ADAM28: variants seen among roughly 807,000 people sequenced by gnomAD.
ADAM28 encodes the protein disintegrin and metalloproteinase domain-containing protein 28.
A neutral mutation model predicts 101.2 loss-of-function variants in ADAM28; 105 were observed. The ratio of observed to expected loss-of-function variants is 1.04; its 90% CI spans 0.89 to 1.22. The LOEUF (loss-of-function observed/expected upper bound fraction) is 1.22, where lower values mean the gene tolerates loss of function less well. Ranked by LOEUF, ADAM28 falls within the 50% of genes most tolerant of loss-of-function variation. ADAM28 has a pLI of 0.00. For missense variants in ADAM28, 1,028 were observed against 945.4 expected, an observed-to-expected ratio of 1.09 and a Z score of -1.15; for synonymous variants, 322 against 310.6, an observed-to-expected ratio of 1.04 and a Z score of -0.39.
At chr8:24,304,632 G>A (rs1809295965) in intron 2 of ADAM28, among the ~76,000 whole-genome samples, 1 of 152,076 alleles carries the variant, frequency 6.6e-6, no homozygotes, top group Non-Finnish European at 1.5e-5. Flanking sequence ...TTGGGAGATT[G>A]AGGCGGGTGG....
intron 2 of ADAM28, among the ~76,000 whole-genome samples, chr8:24,303,987 GT>G (rs1160744174): frequency 2.0e-5 from 3 of 151,450 alleles, no homozygotes; most frequent in Admixed American, 6.6e-5. Context: ...CTCTTTATGT[GT>G]TTTTTTCTCA....
chr8:24,297,992 G>T (rs1213061275), intron 1 of ADAM28, among the ~76,000 whole-genome samples: 1 of 152,108 alleles, frequency 6.6e-6, no homozygotes, highest in African/African-American at 2.4e-5. Flanking sequence ...CCGTGATGTT[G>T]TTCTTGAAGT....
At chr8:24,315,194 A>T (rs1811003711) in intron 6 of ADAM28, among the ~76,000 whole-genome samples, 1 of 151,956 alleles carries the variant, frequency 6.6e-6, no homozygotes, top group Admixed American at 6.6e-5. Flanking sequence ...GACATTTTTA[A>T]GCTTTAAAGA....
At chr8:24,312,139 CT>C (rs1810545339) in intron 5 of ADAM28, among the ~76,000 whole-genome samples, 1 of 152,108 alleles carries the variant, frequency 6.6e-6, no homozygotes, top group Non-Finnish European at 1.5e-5. Context: ...ATGCATCTGT[CT>C]ATATATAGTA....
At chr8:24,302,886 A>T (rs1165731744) in intron 2 of ADAM28, among the ~76,000 whole-genome samples, 5 of 150,690 alleles carry the variant, frequency 3.3e-5, no homozygotes, top group Non-Finnish European at 4.4e-5. Context: ...CATCATTTAC[A>T]TTAGGTATAT....
rs149927944 is a variant in ADAM28 at position 24,329,993 on chromosome 8, C to T, written c.981C>T (p.Ser327=). The part of the protein sequence containing the change: ...PYSVGVVQDH[S]DNLLRVAGTM... The stretch of plus-strand genomic sequence containing the variant: ...TTCTTTCATACCTTTAGGACCACAG[C>T]GATAATCTTCTTAGAGTTGCAGGGA... The change falls in exon 11 of 23, where the codon AGC becomes AGT. Residue 327 remains serine, a synonymous_variant. Coordinates refer to ENST00000265769, the MANE Select transcript of ADAM28 (RefSeq NM_014265.6). The T allele has an allele frequency of 8.3e-5, 133 of 1,611,860 alleles. No homozygotes were observed. In the African/African-American group the frequency reaches 1.0e-3, roughly 12 times the overall value.
chr8:24,294,199 C>G lies in ADAM28; in HGVS notation c.46+4C>G, dbSNP rs766882261. On this transcript the variant is annotated splice_donor_region_variant and intron_variant, in intron 1 of 22. Transcript: ENST00000265769. ...AGTCTCCTCCTCTCTGTTGCAGGTA[C>G]ATATTTAGCTCTTTTTCAGGTTCTA... The G allele has an allele frequency of 6.2e-7, 1 of 1,614,056 alleles. No individual in the cohort carries two copies. The highest frequency in any genetic ancestry group is 8.5e-7 in the Non-Finnish European group (1 of 1,179,924).
At chr8:24,309,805 T>A in intron 2 of ADAM28, 89 bp from the exon 3 acceptor site, 1 of 970,828 alleles carries the variant, frequency 1.0e-6, no homozygotes, top group Non-Finnish European at 1.6e-6. Flanking sequence ...AAAAAATAGA[T>A]ATTGCTTGCT....
rs191161782 is a variant in ADAM28, at chr8:24,351,841, A to C, written c.2179-146A>C. 128 of 672,744 alleles carry C rather than the reference A, an allele frequency of 1.9e-4. 1 individual carries two copies. In the East Asian group the frequency reaches 3.2e-3, roughly 17 times the overall value. The allele number at this position is 672,744 out of a possible 1,614,324, so 41.7% of individuals were successfully genotyped here. A position where few individuals can be genotyped will look rare whatever the true frequency, so the allele number is the denominator to read the frequency against. ...AAATACTTCTATGGAATACGCCAGC[A>C]GGACCACTGTGATTTTCTATCTGGT... On this transcript the variant is annotated intron_variant, in intron 20 of 22. Coordinates refer to ENST00000265769, the MANE Select transcript of ADAM28 (RefSeq NM_014265.6).
At chr8:24,294,549 A>G (rs1807704341) in intron 1 of ADAM28, among the ~76,000 whole-genome samples, 1 of 152,066 alleles carries the variant, frequency 6.6e-6, no homozygotes, top group Non-Finnish European at 1.5e-5. Flanking sequence ...AGAATGGTAA[A>G]GATGTGGCAG....
chr8:24,352,105 T>C, intron 21 of ADAM28, 53 bp downstream of exon 21: 1 of 1,487,174 alleles, frequency 6.7e-7, no homozygotes, highest in Non-Finnish European at 9.4e-7. Context: ...CCAGGAAATA[T>C]CGGTGAAAGT....
chr8:24,304,681 G>A (rs559909222), intron 2 of ADAM28, among the ~76,000 whole-genome samples: 2 of 152,116 alleles, frequency 1.3e-5, no homozygotes, highest in Admixed American at 6.6e-5. Flanking sequence ...ACCTGGCCAA[G>A]GTTGTGAAAC....
chr8:24,297,166 T>G (rs1391647473), intron 1 of ADAM28, among the ~76,000 whole-genome samples: 5 of 151,638 alleles, frequency 3.3e-5, no homozygotes, highest in East Asian at 1.9e-4. Context: ...TGGGTTTTTT[T>G]TTGTTGTTGT....
At chr8:24,344,638 G>A (rs1815191587) in intron 18 of ADAM28, among the ~76,000 whole-genome samples, 1 of 151,868 alleles carries the variant, frequency 6.6e-6, no homozygotes, top group Non-Finnish European at 1.5e-5. Context: ...TTTTTCTAGT[G>A]CCCTATGATT....
chr8:24,346,569 A>G (rs1189093008), intron 18 of ADAM28, among the ~76,000 whole-genome samples: 1 of 152,120 alleles, frequency 6.6e-6, no homozygotes, highest in Non-Finnish European at 1.5e-5. Flanking sequence ...AGCATGACAA[A>G]GTTTAAGAGC....
At chr8:24,300,137 ATATC>A (rs1409241255) in intron 2 of ADAM28, 60 bp downstream of exon 2, 23 of 1,316,414 alleles carry the variant, frequency 1.7e-5, no homozygotes, top group South Asian at 3.8e-5. Flanking sequence ...ACACATATAT[ATATC>A]TATCTATGAT....
At chr8:24,334,864 G>T (rs1813809924) in intron 13 of ADAM28, among the ~76,000 whole-genome samples, 4 of 152,192 alleles carry the variant, frequency 2.6e-5, no homozygotes. Context: ...TTACAACTGA[G>T]TTAGTATATC....
At chr8:24,334,756 C>G (rs926500554) in intron 13 of ADAM28, among the ~76,000 whole-genome samples, 1 of 149,878 alleles carries the variant, frequency 6.7e-6, no homozygotes, top group African/African-American at 2.4e-5. Flanking sequence ...GGAAGGAAAA[C>G]AAACAAACAA....
chr8:24,352,529 T>C (rs1816288005), intron 21 of ADAM28, among the ~76,000 whole-genome samples: 2 of 152,180 alleles, frequency 1.3e-5, no homozygotes, highest in Admixed American at 1.3e-4. Context: ...AATCCTATCA[T>C]GAGAGCTGCA....
Sources: gnomAD v4.1 joint callset for allele counts (sites outside exome capture counted in the v4.1 genomes callset) on GRCh38, gnomAD v4.1.1 for gene constraint, MANE v1.5 for transcripts, NCBI Gene and HGNC (gene_info 2026-07-23, HGNC 2026-07-21) for gene names.